The following ADAMTS2 variants were observed in gnomAD, a reference collection of about 807,000 sequenced individuals.
ADAMTS2 encodes the protein A disintegrin and metalloproteinase with thrombospondin motifs 2.
ADAMTS2 carries 50 observed loss-of-function variants against 123.0 expected under a neutral mutation model. The ratio of observed to expected loss-of-function variants is 0.41; its 90% CI spans 0.32 to 0.51. ADAMTS2 has a LOEUF of 0.51. ADAMTS2 is among the 20% of genes least tolerant of loss of function. The pLI, the probability that ADAMTS2 is intolerant of heterozygous loss-of-function variation, is 0.35. For synonymous variants in ADAMTS2, 678 were observed against 695.4 expected (o/e 0.98, Z 0.39); for missense variants, 1,494 against 1,705.2 (o/e 0.88, Z 2.18).
intron 2 of ADAMTS2, among the ~76,000 whole-genome samples, chr5:179,282,528 A>G (rs1766944990): frequency 6.6e-6 from 1 of 152,210 alleles, no homozygotes; most frequent in African/African-American, 2.4e-5. Context: ...CTTGATTACT[A>G]CAGCTTTGTA....
chr5:179,239,769 G>A (rs965797388), intron 3 of ADAMTS2, among the ~76,000 whole-genome samples: 1 of 152,154 alleles, frequency 6.6e-6, no homozygotes, highest in African/African-American at 2.4e-5. Flanking sequence ...CAACCCCAGA[G>A]GGTGCGGGAA....
In ADAMTS2 at chr5:179,280,735, G is replaced by A. The variant is rs193135527; in HGVS notation, c.535-7671C>T. Among the ~76,000 whole-genome samples, 255 of 152,264 alleles carry A rather than the reference G, an allele frequency of 1.7e-3. 1 individual carries two copies. The highest frequency in any genetic ancestry group is 2.5e-3 in the Non-Finnish European group (173 of 68,036). On this transcript the variant is annotated intron_variant, in intron 2 of 21. Coordinates refer to ENST00000251582, the MANE Select transcript of ADAMTS2 (RefSeq NM_014244.5). ...GCTGCCCTTCTCTCTTGTTATAGAG[G>A]TCAGTAAGTAGCAGAGAGCTGGTAA... is the stretch of plus-strand genomic sequence containing the variant.
Position 179,202,814 on chromosome 5 carries a change from C to T in ADAMTS2, c.891+4699G>A, listed in dbSNP as rs1223837577. Among the ~76,000 whole-genome samples the T allele has an allele frequency of 2.6e-5, 4 of 152,216 alleles. No individual in the cohort carries two copies. The highest frequency in any genetic ancestry group is 4.8e-5 in the African/African-American group (2 of 41,450). Reference sequence around the variant, plus strand: ...TGGGACACATGGCTTCCAAGGTTTCCGTGGCAGGGGAGACAGAGATGGAGG... The same window carrying T: ...TGGGACACATGGCTTCCAAGGTTTCTGTGGCAGGGGAGACAGAGATGGAGG... On this transcript the variant is annotated intron_variant, in intron 4 of 21. Coordinates refer to ENST00000251582, the MANE Select transcript of ADAMTS2 (RefSeq NM_014244.5). The surrounding 1 kb of genome is among the most constrained non-coding windows in gnomAD (Gnocchi z 4.0).
Position 179,158,973 on chromosome 5 carries a change from A to C in ADAMTS2, c.976-94T>G. The C allele has an allele frequency of 1.3e-6, 2 of 1,485,672 alleles. No homozygotes were observed. Among genetic ancestry groups the C allele is most frequent in the South Asian group, 1.2e-5 (1 of 81,278 alleles). The allele number at this position is 1,485,672 out of a possible 1,614,324, so 92.0% of individuals were successfully genotyped here. ...GCTGTAGTGTTGACAGACCCCATCC[A>C]CTGGGAATCTGTTCCAGGTGGTACA... On this transcript the variant is annotated intron_variant, in intron 5 of 21. Coordinates refer to ENST00000251582, the MANE Select transcript of ADAMTS2 (RefSeq NM_014244.5). The surrounding 1 kb of genome is among the most constrained non-coding windows in gnomAD (Gnocchi z 5.0).
intron 3 of ADAMTS2, among the ~76,000 whole-genome samples, chr5:179,265,379 G>A (rs1766340321): frequency 6.6e-6 from 1 of 152,210 alleles, no homozygotes; most frequent in African/African-American, 2.4e-5. Flanking sequence ...AATTTATGTC[G>A]GAGGCACAGG....
At chr5:179,297,807 C>T (rs906750000) in intron 2 of ADAMTS2, among the ~76,000 whole-genome samples, 7 of 152,160 alleles carry the variant, frequency 4.6e-5, no homozygotes, top group East Asian at 3.9e-4. Context: ...TCCCCTGCTG[C>T]GTCTTCGGCC....
chr5:179,134,774 C>T (rs1763024997), intron 13 of ADAMTS2, among the ~76,000 whole-genome samples: 1 of 107,176 alleles, frequency 9.3e-6, no homozygotes, highest in African/African-American at 3.9e-5. Flanking sequence ...CTCCCGGCTC[C>T]ATCCCCCAGC....
chr5:179,157,367 A>G (rs1763493387), intron 6 of ADAMTS2, among the ~76,000 whole-genome samples: 1 of 152,166 alleles, frequency 6.6e-6, no homozygotes, highest in Admixed American at 6.5e-5. Context: ...AACAGCCAAC[A>G]GCACTCTCAT....
intron 2 of ADAMTS2, among the ~76,000 whole-genome samples, chr5:179,335,315 T>C (rs975488835): frequency 1.3e-5 from 2 of 152,220 alleles, no homozygotes; most frequent in African/African-American, 4.8e-5. Context: ...TACTTTAAAA[T>C]GATCTATTAA....
rs2113214603 is a variant in ADAMTS2, at chr5:179,135,997, T to A, written c.1997A>T (p.Glu666Val). 3.1e-6 allele frequency: 5 copies of A among 1,613,352 alleles called. No individual in the cohort carries two copies. The highest frequency in any genetic ancestry group is 4.2e-6 in the Non-Finnish European group (5 of 1,180,016). Reference protein sequence around the residue: ...HLYCESRETGEVVSMKRMVHD... With the variant: ...HLYCESRETGVVVSMKRMVHD... ...CACCATGCGCTTCATGGACACCACCTCCCCGGTCTCCCTGGACTCGCAGTA... is the reference window on the plus strand; with the variant it reads ...CACCATGCGCTTCATGGACACCACCACCCCGGTCTCCCTGGACTCGCAGTA... The change falls in exon 13 of 22, where the codon GAG becomes GTG. Residue 666 changes from glutamate (E) to valine (V), a missense_variant. Coordinates refer to ENST00000251582, the MANE Select transcript of ADAMTS2 (RefSeq NM_014244.5).
chr5:179,228,571 C>T lies in ADAMTS2; in HGVS notation c.689-20856G>A, dbSNP rs1765340101. On this transcript the variant is annotated intron_variant, in intron 3 of 21. Coordinates refer to ENST00000251582, the MANE Select transcript of ADAMTS2 (RefSeq NM_014244.5). The surrounding 1 kb of genome is among the most constrained non-coding windows in gnomAD (Gnocchi z 5.2). ...GCCCAGCTCTTATGCCGGCCACTGC[C>T]TTGCCTCCTGCCTGATGCAGTCTCT... is the stretch of plus-strand genomic sequence containing the variant. 6.6e-6 allele frequency among the ~76,000 whole-genome samples: 1 copy of T among 152,268 alleles called. No homozygotes were observed. Among genetic ancestry groups the T allele is most frequent in the South Asian group, 2.1e-4 (1 of 4,838 alleles).
chr5:179,176,207 G>T (rs1462003547), intron 5 of ADAMTS2, among the ~76,000 whole-genome samples: 1 of 152,054 alleles, frequency 6.6e-6, no homozygotes, highest in Admixed American at 6.5e-5. Context: ...TAGTTTTCTG[G>T]GGATCTGGAA....
intron 2 of ADAMTS2, among the ~76,000 whole-genome samples, chr5:179,337,528 G>A (rs139077457): frequency 1.9e-3 from 287 of 152,266 alleles, no homozygotes; most frequent in Non-Finnish European, 3.0e-3. Context: ...ACACGCACAC[G>A]TCCACATGCA....
intron 2 of ADAMTS2, among the ~76,000 whole-genome samples, chr5:179,276,511 C>T (rs905968693): frequency 2.0e-5 from 3 of 152,196 alleles, no homozygotes; most frequent in Non-Finnish European, 4.4e-5. Context: ...CTCGTCTGTA[C>T]ATGAGGCAGG....
chr5:179,308,911 T>C lies in ADAMTS2; in HGVS notation c.534+34856A>G, dbSNP rs564915447. ...CTTTAGCATCCCCCTCAGCTGCCCA[T>C]TCATTCAGCCATTCTTCTAGGAGGA... On this transcript the variant is annotated intron_variant, in intron 2 of 21. Transcript: ENST00000251582. The surrounding 1 kb of genome is among the most constrained non-coding windows in gnomAD (Gnocchi z 6.6). Among the ~76,000 whole-genome samples, 13 of 152,242 alleles carry C rather than the reference T, an allele frequency of 8.5e-5. No homozygotes were observed. The East Asian group carries it at 1.4e-3, about 16-fold the overall frequency.
intron 2 of ADAMTS2, among the ~76,000 whole-genome samples, chr5:179,284,277 C>T (rs1755935334): frequency 6.6e-6 from 1 of 151,270 alleles, no homozygotes; most frequent in Non-Finnish European, 1.5e-5. Flanking sequence ...TGCAGTGAGC[C>T]GAGATTGCAT....
At chr5:179,283,006 T>C (rs1362367155) in intron 2 of ADAMTS2, among the ~76,000 whole-genome samples, 3 of 152,150 alleles carry the variant, frequency 2.0e-5, no homozygotes, top group Admixed American at 2.0e-4. Context: ...GCTTCAACCC[T>C]GCTGCTAGAG....
intron 5 of ADAMTS2, among the ~76,000 whole-genome samples, chr5:179,176,624 T>G (rs1341052550): frequency 6.6e-6 from 1 of 152,184 alleles, no homozygotes; most frequent in African/African-American, 2.4e-5. Context: ...CCAGTCCAGC[T>G]GCCAGCATCC....
intron 3 of ADAMTS2, among the ~76,000 whole-genome samples, chr5:179,217,875 A>AAGGGGGG (rs1765036516): frequency 3.6e-4 from 19 of 52,300 alleles, no homozygotes; most frequent in African/African-American, 1.8e-3. Flanking sequence ...GCCTGAGGGC[A>AAGGGGGG]GACGGCACAC....
Sources: gnomAD v4.1 joint callset for allele counts (sites outside exome capture counted in the v4.1 genomes callset) on GRCh38, gnomAD v4.1.1 for gene constraint, Gnocchi (gnomAD v3.1) non-coding constraint, MANE v1.5 for transcripts, NCBI Gene and HGNC (gene_info 2026-07-23, HGNC 2026-07-21) for gene names.